The following ST7 variants were observed in gnomAD, a reference collection of about 807,000 sequenced individuals.
The protein encoded by ST7 is suppressor of tumorigenicity 7 protein.
In ST7, 28 loss-of-function variants were observed where a neutral mutation model predicts 78.7. The ratio of observed to expected loss-of-function variants is 0.36; its 90% confidence interval spans 0.26 to 0.49. The LOEUF (loss-of-function observed/expected upper bound fraction) is 0.49, where lower values mean the gene tolerates loss of function less well. Among genes scored for constraint, ST7 ranks in the 20% least tolerant of loss-of-function variants. The pLI, the probability that ST7 is intolerant of heterozygous loss-of-function variation, is 0.99. For synonymous variants in ST7, 247 were observed against 249.6 expected (o/e 0.99, Z 0.10); for missense variants, 418 against 696.0 (o/e 0.60, Z 4.49).
At chr7:117,029,353 A>G (rs1796359190) in intron 1 of ST7, among the ~76,000 whole-genome samples, 1 of 152,094 alleles carries the variant, frequency 6.6e-6, no homozygotes, top group African/African-American at 2.4e-5. Context: ...ATCATATTAA[A>G]CAATTTTTCA....
At chr7:116,995,184 A>G (rs1340013249) in intron 1 of ST7, among the ~76,000 whole-genome samples, 1 of 152,234 alleles carries the variant, frequency 6.6e-6, no homozygotes, top group Non-Finnish European at 1.5e-5. Context: ...AATCTAGTAC[A>G]TAGATGGAAG....
chr7:116,966,906 GC>G (rs939048933), intron 1 of ST7, among the ~76,000 whole-genome samples: 2 of 152,134 alleles, frequency 1.3e-5, no homozygotes, highest in African/African-American at 4.8e-5. Flanking sequence ...AATGTTGTAT[GC>G]CTGTGATTCT....
intron 9 of ST7, among the ~76,000 whole-genome samples, chr7:117,157,968 C>T (rs1806836353): frequency 6.6e-6 from 1 of 152,194 alleles, no homozygotes; most frequent in Non-Finnish European, 1.5e-5. Context: ...ATAAATCGTT[C>T]TTTTCCCCAA....
intron 1 of ST7, chr7:117,020,261 T>TG: frequency 3.1e-6 from 1 of 320,420 alleles, no homozygotes; most frequent in Non-Finnish European, 5.8e-6. Context: ...TATCCGCTGT[T>TG]GCTGCTGCTC....
At chr7:117,221,527 G>A (rs1224498207) in intron 14 of ST7, among the ~76,000 whole-genome samples, 2 of 152,092 alleles carry the variant, frequency 1.3e-5, no homozygotes, top group Non-Finnish European at 2.9e-5. Flanking sequence ...CTGTATACTC[G>A]GTTTTGGATT....
intron 1 of ST7, among the ~76,000 whole-genome samples, chr7:117,004,478 T>C (rs1044282041): frequency 6.6e-5 from 10 of 152,120 alleles, no homozygotes; most frequent in Non-Finnish European, 1.2e-4. Context: ...CTGGCTAACA[T>C]GGCGAAACCC....
chr7:117,135,112 G>C (rs1480905297), intron 7 of ST7, among the ~76,000 whole-genome samples: 1 of 152,068 alleles, frequency 6.6e-6, no homozygotes, highest in African/African-American at 2.4e-5. Context: ...GAAGGAGAGT[G>C]AAAGGATGGG....
At chr7:117,222,125 A>G (rs1452862485) in intron 15 of ST7, 63 bp downstream of exon 15, 23 of 1,526,840 alleles carry the variant, frequency 1.5e-5, no homozygotes, top group Non-Finnish European at 2.0e-5. Flanking sequence ...GCATAAAAGC[A>G]GCGTGAGAGA....
At chr7:116,962,983 A>G (rs543309807) in intron 1 of ST7, among the ~76,000 whole-genome samples, 4 of 152,300 alleles carry the variant, frequency 2.6e-5, no homozygotes, top group African/African-American at 7.2e-5. Flanking sequence ...AGACTGTAAA[A>G]TGAATAAGTG....
intron 1 of ST7, among the ~76,000 whole-genome samples, chr7:117,073,473 G>C (rs549488614): frequency 6.6e-6 from 1 of 152,120 alleles, no homozygotes; most frequent in Admixed American, 6.5e-5. Flanking sequence ...TCCTGAGGAA[G>C]GTCCACAATT....
intron 1 of ST7, chr7:116,954,226 G>C (rs999665338): frequency 3.3e-5 from 5 of 152,102 alleles, no homozygotes; most frequent in African/African-American, 9.7e-5. Context: ...CGGCCGGGCT[G>C]TCCGGGCGGC....
At chr7:116,974,111 A>C (rs998398060) in intron 1 of ST7, among the ~76,000 whole-genome samples, 1 of 152,114 alleles carries the variant, frequency 6.6e-6, no homozygotes, top group Non-Finnish European at 1.5e-5. Context: ...AGGACAAAGG[A>C]TGTATGATGA....
intron 1 of ST7, chr7:116,973,048 TTTATACAGG>T: frequency 1.5e-6 from 1 of 659,228 alleles, no homozygotes; most frequent in Non-Finnish European, 2.8e-6. Flanking sequence ...GGATATTTAT[TTTATACAGG>T]TTATAATCCA....
intron 1 of ST7, among the ~76,000 whole-genome samples, chr7:117,081,460 T>A (rs1799767277): frequency 6.6e-6 from 1 of 152,210 alleles, no homozygotes; most frequent in Admixed American, 6.5e-5. Flanking sequence ...ATCATTTCCT[T>A]TATTATTTTT....
Position 117,202,260 on chromosome 7 carries a change from C to CTCCTTG in ST7, c.1255-7527_1255-7526insTCCTTG, listed in dbSNP as rs140917934. On this transcript the variant is annotated intron_variant, in intron 12 of 15. Transcript: ENST00000323984. ...TACAGGCGTGAGCCACCGCGCCCGGCCTCGAAGCTATCTTGAGAGATCTCG... is the reference window on the plus strand; with the variant it reads ...TACAGGCGTGAGCCACCGCGCCCGGCTCCTTGCTCGAAGCTATCTTGAGAGATCTCG... Among the ~76,000 whole-genome samples, 3 of 20,500 alleles carry CTCCTTG rather than the reference C, an allele frequency of 1.5e-4. 1 individual carries two copies. The highest frequency in any genetic ancestry group is 1.2e-4 in the African/African-American group (1 of 8,484). 13.4% of individuals were successfully genotyped at this position (20,500 alleles called of 152,430 possible).
intron 2 of ST7, among the ~76,000 whole-genome samples, chr7:117,114,127 G>C (rs1250354346): frequency 4.6e-5 from 7 of 152,068 alleles, no homozygotes; most frequent in African/African-American, 1.7e-4. Flanking sequence ...GAGGGGAACA[G>C]GTGGCTGCAG....
At chr7:117,144,327 A>T (rs1805569133) in intron 9 of ST7, 1 of 151,554 alleles carries the variant, frequency 6.6e-6, no homozygotes, top group South Asian at 2.1e-4. Flanking sequence ...TGATCTAAGG[A>T]CTCCCCGAAA....
intron 10 of ST7, among the ~76,000 whole-genome samples, chr7:117,179,492 T>C (rs1808584448): frequency 6.6e-6 from 1 of 152,190 alleles, no homozygotes; most frequent in Non-Finnish European, 1.5e-5. Context: ...GGGCACTGCA[T>C]GCAGCAAGGA....
chr7:117,040,464 A>G (rs540909437), intron 1 of ST7, among the ~76,000 whole-genome samples: 4 of 152,332 alleles, frequency 2.6e-5, no homozygotes, highest in Admixed American at 2.6e-4. Context: ...ATATCTACGT[A>G]TAATGTAAAT....
Sources: gnomAD v4.1 joint callset for allele counts (sites outside exome capture counted in the v4.1 genomes callset) on GRCh38, gnomAD v4.1.1 for gene constraint, MANE v1.5 for transcripts, NCBI Gene and HGNC (gene_info 2026-07-23, HGNC 2026-07-21) for gene names.